CTNNA3: variants seen among roughly 807,000 people sequenced by gnomAD.
CTNNA3 encodes the protein catenin alpha 3.
CTNNA3 carries 76 observed loss-of-function variants against 95.7 expected under a neutral mutation model. The observed-to-expected ratio is 0.79, with a 90% CI of 0.66 to 0.96. The LOEUF (loss-of-function observed/expected upper bound fraction) is 0.96, where lower values mean the gene tolerates loss of function less well. CTNNA3 is among the 40% of genes least tolerant of loss of function. The probability of loss-of-function intolerance (pLI) is 0.00; values close to 1 mark genes in which losing one functional copy is unlikely to be tolerated. For synonymous variants in CTNNA3, 431 were observed against 374.4 expected (o/e 1.15, Z -1.74); for missense variants, 1,191 against 1,089.8 (o/e 1.09, Z -1.31).
chr10:66,187,936 T>C (rs1002230068), intron 13 of CTNNA3, among the ~76,000 whole-genome samples: 6 of 152,128 alleles, frequency 3.9e-5, no homozygotes, highest in Admixed American at 2.6e-4. Context: ...GCTCATACAT[T>C]GGACTTACTA....
At chr10:66,335,850 G>T (rs2092388932) in intron 12 of CTNNA3, among the ~76,000 whole-genome samples, 1 of 152,132 alleles carries the variant, frequency 6.6e-6, no homozygotes, top group Admixed American at 6.5e-5. Context: ...GAGGCAGGCA[G>T]GTCTCCTTGA....
chr10:66,878,314 T>C (rs1844705363), intron 7 of CTNNA3, among the ~76,000 whole-genome samples: 2 of 152,084 alleles, frequency 1.3e-5, no homozygotes, highest in Non-Finnish European at 2.9e-5. Flanking sequence ...CCCCACTATT[T>C]GCAGCCTCAA....
Position 66,280,501 on chromosome 10 carries a change from T to C in CTNNA3, c.1853A>G (p.His618Arg), listed in dbSNP as rs184992188. The C allele has an allele frequency of 6.8e-6, 11 of 1,608,254 alleles. No homozygotes were observed. The East Asian group carries it at 1.3e-4, about 20-fold the overall frequency. Residue 618 changes from histidine (H) to arginine (R), a missense_variant, in exon 13 of 18, where the codon CAT becomes CGT. Transcript: ENST00000433211. ...CATCATGACTGAACATCTGATATCATGAATTGTATCATAGATCTTCTTTGA... is the reference window on the plus strand; with the variant it reads ...CATCATGACTGAACATCTGATATCACGAATTGTATCATAGATCTTCTTTGA... ...DISKKIYDTI[H>R]DIRCSVMMIR...
chr10:67,276,437 G>A (rs78208105), intron 5 of CTNNA3, among the ~76,000 whole-genome samples: 87 of 152,148 alleles, frequency 5.7e-4, no homozygotes, highest in African/African-American at 2.0e-3. Context: ...GTATTTATGG[G>A]CAAAGATTCT....
intron 10 of CTNNA3, among the ~76,000 whole-genome samples, chr10:66,600,136 C>T (rs960198126): frequency 2.7e-5 from 4 of 150,476 alleles, no homozygotes; most frequent in East Asian, 2.0e-4. Flanking sequence ...CCTATAATAA[C>T]AACCTAAAGA....
intron 7 of CTNNA3, among the ~76,000 whole-genome samples, chr10:67,103,124 G>A (rs1858435720): frequency 6.6e-6 from 1 of 151,744 alleles, no homozygotes; most frequent in Admixed American, 6.6e-5. Flanking sequence ...AGACATGACT[G>A]AGGTGATACT....
At chr10:66,211,207 C>A (rs1398885809) in intron 13 of CTNNA3, among the ~76,000 whole-genome samples, 1 of 152,134 alleles carries the variant, frequency 6.6e-6, no homozygotes, top group Non-Finnish European at 1.5e-5. Context: ...GACATTTTGG[C>A]CAAGGCGTGA....
At chr10:66,488,798 A>G (rs1315713254) in intron 11 of CTNNA3, among the ~76,000 whole-genome samples, 2 of 152,120 alleles carry the variant, frequency 1.3e-5, no homozygotes, top group Non-Finnish European at 2.9e-5. Flanking sequence ...TTAATTGATC[A>G]TGCCTCTCCA....
At chr10:67,092,471 C>T (rs1857707687) in intron 7 of CTNNA3, among the ~76,000 whole-genome samples, 1 of 151,952 alleles carries the variant, frequency 6.6e-6, no homozygotes. Context: ...ATAACCTTTT[C>T]TATCCAACAG....
intron 12 of CTNNA3, among the ~76,000 whole-genome samples, chr10:66,358,893 C>G (rs2092631875): frequency 6.6e-6 from 1 of 152,142 alleles, no homozygotes; most frequent in Non-Finnish European, 1.5e-5. Context: ...ATAAAACTTA[C>G]AGTTGTATTA....
intron 12 of CTNNA3, among the ~76,000 whole-genome samples, chr10:66,306,041 G>T (rs1253739344): frequency 5.9e-5 from 9 of 152,092 alleles, no homozygotes; most frequent in Non-Finnish European, 1.3e-4. Flanking sequence ...ACTACACAAA[G>T]ATTATCACAT....
At chr10:66,899,826 G>A (rs1288909809) in intron 7 of CTNNA3, among the ~76,000 whole-genome samples, 3 of 152,082 alleles carry the variant, frequency 2.0e-5, no homozygotes, top group African/African-American at 7.2e-5. Context: ...TGAGGCTTGA[G>A]TAGGTAAACA....
intron 13 of CTNNA3, among the ~76,000 whole-genome samples, chr10:66,134,030 G>T (rs2083242689): frequency 6.6e-6 from 1 of 151,890 alleles, no homozygotes; most frequent in Non-Finnish European, 1.5e-5. Flanking sequence ...TCAACTACAG[G>T]CATATTAAAC....
chr10:65,974,223 A>C (rs954890221), intron 16 of CTNNA3, among the ~76,000 whole-genome samples: 2 of 152,118 alleles, frequency 1.3e-5, no homozygotes, highest in African/African-American at 4.8e-5. Flanking sequence ...CATTTGACTC[A>C]CTCATCCCGT....
At chr10:66,109,746 G>A (rs976213201) in intron 13 of CTNNA3, among the ~76,000 whole-genome samples, 1 of 151,916 alleles carries the variant, frequency 6.6e-6, no homozygotes, top group Non-Finnish European at 1.5e-5. Context: ...CCAGACTACT[G>A]GAAGAAGATA....
chr10:67,219,779 G>T lies in CTNNA3; in HGVS notation c.671C>A (p.Ala224Asp). ...AGCAACATCAGAATGCTCCAAACAA[G>T]CTGAACAAATTGAATGCAAGAGGGG... ...NSPLLHSICS[A>D]CLEHSDVASL... is the part of the protein sequence containing the mutation. Residue 224 changes from alanine to aspartate, a missense_variant, in exon 6 of 18, where the codon GCT (alanine) becomes GAT (aspartate). By Grantham distance (126) the Ala-to-Asp change is moderately radical. Coordinates refer to ENST00000433211, the MANE Select transcript of CTNNA3 (RefSeq NM_013266.4). 6.2e-7 allele frequency: 1 copy of T among 1,614,086 alleles called. No homozygotes were observed. Among genetic ancestry groups the T allele is most frequent in the Non-Finnish European group, 8.5e-7 (1 of 1,180,004 alleles).
chr10:67,442,729 A>G (rs1426987142), intron 5 of CTNNA3, among the ~76,000 whole-genome samples: 2 of 152,174 alleles, frequency 1.3e-5, no homozygotes, highest in African/African-American at 4.8e-5. Flanking sequence ...ATATATCATT[A>G]GAGCTAAAGA....
At chr10:67,597,173 G>C (rs1842957094) in intron 3 of CTNNA3, among the ~76,000 whole-genome samples, 1 of 152,120 alleles carries the variant, frequency 6.6e-6, no homozygotes, top group Non-Finnish European at 1.5e-5. Flanking sequence ...CATTTGACTG[G>C]ATTCCTTAGA....
intron 13 of CTNNA3, among the ~76,000 whole-genome samples, chr10:66,185,406 A>G (rs560023684): frequency 1.8e-4 from 27 of 152,260 alleles, no homozygotes; most frequent in Admixed American, 1.6e-3. Context: ...TTGTACCTCC[A>G]TAAGTAACAA....
Sources: gnomAD v4.1 joint callset for allele counts (sites outside exome capture counted in the v4.1 genomes callset) on GRCh38, gnomAD v4.1.1 for gene constraint, MANE v1.5 for transcripts, NCBI Gene and HGNC (gene_info 2026-07-23, HGNC 2026-07-21) for gene names.